The following ZNF112 variants were observed in gnomAD, a reference collection of about 807,000 sequenced individuals.
ZNF112 encodes zinc finger protein 112 (Y14).
A neutral mutation model predicts 77.7 loss-of-function variants in ZNF112; 37 were observed. The observed-to-expected ratio is 0.48, with a 90% CI of 0.37 to 0.63. The LOEUF is 0.63. ZNF112 is among the 20% of genes least tolerant of loss of function. The pLI, the probability that ZNF112 is intolerant of heterozygous loss-of-function variation, is 0.00. For synonymous variants in ZNF112, 333 were observed against 363.6 expected (o/e 0.92, Z 0.96); for missense variants, 950 against 1,077.4 (o/e 0.88, Z 1.66).
rs537897337 is a variant in ZNF112, at chr19:44,329,296, C to G, written c.861G>C (p.Lys287Asn). 1 of 1,613,888 alleles carries G rather than the reference C, an allele frequency of 6.2e-7. No individual in the cohort carries two copies. Among genetic ancestry groups the G allele is most frequent in the African/African-American group, 1.3e-5 (1 of 74,922 alleles). ...GKPYTYSSCG[K>N]GCNYSSLLHI... is the part of the protein sequence containing the mutation. Reference sequence around the variant, plus strand: ...GAAGAAGTGAACTATAATTACAGCCCTTTCCACATGAACTGTATGTATAGG... The same window carrying G: ...GAAGAAGTGAACTATAATTACAGCCGTTTCCACATGAACTGTATGTATAGG... Residue 287 changes from lysine (K) to asparagine (N), a missense_variant, in exon 4 of 4, where the codon AAG becomes AAC. Coordinates refer to ENST00000354340, the MANE Select transcript of ZNF112 (RefSeq NM_013380.4).
rs1970190533 is a variant in ZNF112, at chr19:44,328,704, T to C, written c.1453A>G (p.Lys485Glu). The C allele has an allele frequency of 6.2e-7, 1 of 1,613,960 alleles. No individual in the cohort carries two copies. The highest frequency in any genetic ancestry group is 8.5e-7 in the Non-Finnish European group (1 of 1,179,984). Residue 485 changes from lysine to glutamate, a missense_variant, in exon 4 of 4, where the codon AAA becomes GAA. Transcript: ENST00000354340. Reference sequence around the variant, plus strand: ...CGTGGTTTCTCTCCAATGTGAATTTTTGGATGACCTTGAAGATATAAATTA... The same window carrying C: ...CGTGGTTTCTCTCCAATGTGAATTTCTGGATGACCTTGAAGATATAAATTA... ...SHNLYLQGHPKIHIGEKPRKE... is the reference protein window; with the variant it reads ...SHNLYLQGHPEIHIGEKPRKE...
chr19:44,348,864 G>A (rs755917289), intron 1 of ZNF112, among the ~76,000 whole-genome samples: 12 of 151,968 alleles, frequency 7.9e-5, no homozygotes, highest in African/African-American at 1.4e-4. Flanking sequence ...AAAAAAGGAC[G>A]TAGTAAACCT....
chr19:44,350,724 C>T (rs1568674890), intron 1 of ZNF112, among the ~76,000 whole-genome samples: 2 of 152,088 alleles, frequency 1.3e-5, no homozygotes, highest in Non-Finnish European at 2.9e-5. Context: ...TGAGCCCAAA[C>T]TTCAGAATTG....
chr19:44,361,038 T>C (rs192196065), upstream of ZNF112, among the ~76,000 whole-genome samples: 10 of 152,318 alleles, frequency 6.6e-5, no homozygotes, highest in African/African-American at 2.4e-4. Context: ...TAGCTGTACA[T>C]GCAATACCAT....
In ZNF112 at chr19:44,329,518, G is replaced by C. The variant is rs1182771639; in HGVS notation, c.639C>G (p.His213Gln). The change falls in exon 4 of 4, where the codon CAC (histidine) becomes CAG (glutamine). Residue 213 changes from histidine (H) to glutamine (Q), a missense_variant. His to Gln is a conservative substitution (Grantham distance 24). Transcript: ENST00000354340. ...TTCTGTGTACTTCCAGTTTATCATT[G>C]TGATGTGAGAGCCAACTGACACTGT... ...KCDSVSWLSH[H>Q]NDKLEVHRKE... is the part of the protein sequence containing the mutation. 1 of 1,614,032 alleles carries C rather than the reference G, an allele frequency of 6.2e-7. No homozygotes were observed. Among genetic ancestry groups the C allele is most frequent in the South Asian group, 1.1e-5 (1 of 91,078 alleles).
At chr19:44,355,575 C>G (rs1389384486) in intron 1 of ZNF112, among the ~76,000 whole-genome samples, 1 of 152,162 alleles carries the variant, frequency 6.6e-6, no homozygotes, top group African/African-American at 2.4e-5. Context: ...GAATTCAAAT[C>G]CCAGCTCAGG....
intron 1 of ZNF112, among the ~76,000 whole-genome samples, chr19:44,346,591 A>T (rs910125650): frequency 6.6e-6 from 1 of 152,214 alleles, no homozygotes; most frequent in Non-Finnish European, 1.5e-5. Flanking sequence ...GGGACAGGGA[A>T]TATTCACATC....
chr19:44,356,184 A>G (rs574496095), intron 1 of ZNF112, among the ~76,000 whole-genome samples: 12 of 152,186 alleles, frequency 7.9e-5, no homozygotes, highest in Non-Finnish European at 1.3e-4. Context: ...AAAAAGTGCT[A>G]ATAACAAGAG....
chr19:44,366,330 C>T (rs1293489401), intron 1 of ZNF112, among the ~76,000 whole-genome samples: 1 of 152,052 alleles, frequency 6.6e-6, no homozygotes, highest in African/African-American at 2.4e-5. Flanking sequence ...AAGTATATTG[C>T]TCCTTTTTTT....
chr19:44,360,704 C>A (rs1970847437), upstream of ZNF112, among the ~76,000 whole-genome samples: 1 of 152,068 alleles, frequency 6.6e-6, no homozygotes, highest in Admixed American at 6.5e-5. Context: ...AACATGGGAA[C>A]AGGGAAAATA....
chr19:44,350,398 T>G (rs1010006238), intron 1 of ZNF112, among the ~76,000 whole-genome samples: 3 of 152,040 alleles, frequency 2.0e-5, no homozygotes, highest in African/African-American at 7.2e-5. Flanking sequence ...TGTGATTTTT[T>G]TTAAATCTCA....
In ZNF112 at chr19:44,340,405, C is replaced by T. The variant is rs776710494; in HGVS notation, c.124+11G>A. The T allele has an allele frequency of 6.2e-7, 1 of 1,613,412 alleles. No individual in the cohort carries two copies. Among genetic ancestry groups the T allele is most frequent in the South Asian group, 1.1e-5 (1 of 91,034 alleles). ...GGCTGCCATTGAGTAACTAAGGGCA[C>T]CTATCCTCACCTACTAAGAGCAGGT... On this transcript the variant is annotated intron_variant, in intron 2 of 3. Transcript: ENST00000354340.
At chr19:44,351,050 G>A (rs957396521) in intron 1 of ZNF112, among the ~76,000 whole-genome samples, 1 of 151,912 alleles carries the variant, frequency 6.6e-6, no homozygotes, top group African/African-American at 2.4e-5. Flanking sequence ...CAGCAGGGCT[G>A]GTTGCTTCTC....
At chr19:44,359,315 C>CTTTTT (rs767955186), upstream of ZNF112, among the ~76,000 whole-genome samples, 495 of 54,866 alleles carry the variant, frequency 9.0e-3, 79 homozygotes, top group African/African-American at 0.02. Flanking sequence ...TATTAGAGTT[C>CTTTTT]TTTTTTTTTT....
chr19:44,339,965 T>C (rs928235646), intron 2 of ZNF112, among the ~76,000 whole-genome samples: 1 of 152,132 alleles, frequency 6.6e-6, no homozygotes, highest in Non-Finnish European at 1.5e-5. Flanking sequence ...GGAAAGAACA[T>C]GAACATAAAT....
rs1186972837 is a variant in ZNF112, at chr19:44,328,014, A to G, written c.2143T>C (p.Tyr715His). 2 of 1,613,764 alleles carry G rather than the reference A, an allele frequency of 1.2e-6. No individual in the cohort carries two copies. Among genetic ancestry groups the G allele is most frequent in the Middle Eastern group, 1.6e-4 (1 of 6,062 alleles). The change falls in exon 4 of 4, where the codon TAT (tyrosine) becomes CAT (histidine). Residue 715 changes from tyrosine to histidine, a missense_variant. Physicochemically the swap from Tyr to His is moderately conservative, Grantham distance 83 (BLOSUM62 2). Coordinates refer to ENST00000354340, the MANE Select transcript of ZNF112 (RefSeq NM_013380.4). ...CCCTTTCCACATACCTCACATATAT[A>G]TGGTCTTTCTCCAGAATGGACACTC... ...HQSVHSGERP[Y>H]ICEVCGKGFS... is the part of the protein sequence containing the mutation.
intron 2 of ZNF112, among the ~76,000 whole-genome samples, chr19:44,337,587 GAT>G (rs952959971): frequency 6.7e-6 from 1 of 148,696 alleles, no homozygotes; most frequent in Non-Finnish European, 1.5e-5. Context: ...AGCTTTGTTA[GAT>G]ATTGTCAACT....
At chr19:44,337,999 A>G (rs1234303791) in intron 2 of ZNF112, among the ~76,000 whole-genome samples, 5 of 146,080 alleles carry the variant, frequency 3.4e-5, no homozygotes, top group Non-Finnish European at 6.1e-5. Flanking sequence ...AAAAAAAAAG[A>G]TAATTCCAGA....
chr19:44,356,037 A>C lies in ZNF112; in HGVS notation c.-4+589T>G, dbSNP rs111555519. The stretch of plus-strand genomic sequence containing the variant: ...GCATGAATTACAATGGACTACCCAG[A>C]CAGCCAGGAGTGATCCTGTCCTAAA... On this transcript the variant is annotated intron_variant, in intron 1 of 3. Coordinates refer to ENST00000354340, the MANE Select transcript of ZNF112 (RefSeq NM_013380.4). Among the ~76,000 whole-genome samples, 112 of 152,312 alleles carry C rather than the reference A, an allele frequency of 7.4e-4. 1 individual carries two copies. Among genetic ancestry groups the C allele is most frequent in the African/African-American group, 2.4e-3 (101 of 41,570 alleles).
Sources: allele counts gnomAD v4.1 joint callset (sites outside exome capture counted in the v4.1 genomes callset), GRCh38; gene constraint gnomAD v4.1.1; transcripts MANE v1.5; gene names NCBI Gene and HGNC (gene_info 2026-07-23, HGNC 2026-07-21).